The following SKP1 variants were observed in gnomAD, a reference collection of about 807,000 sequenced individuals.
SKP1 encodes the protein S-phase kinase associated protein 1, also known as S-phase kinase-associated protein 1.
A neutral mutation model predicts 21.5 loss-of-function variants in SKP1; 1 was observed. The observed-to-expected ratio is 0.05, with a 90% CI of 0.02 to 0.22. The LOEUF (loss-of-function observed/expected upper bound fraction) is 0.22. Among genes scored for constraint, SKP1 ranks in the 10% least tolerant of loss-of-function variants. The pLI, the probability that SKP1 is intolerant of heterozygous loss-of-function variation, is 1.00. For synonymous variants in SKP1, 59 were observed against 59.3 expected, an observed-to-expected ratio of 0.99 and a Z score of 0.03; for missense variants, 70 against 192.0, an observed-to-expected ratio of 0.36 and a Z score of 3.76.
chr5:134,162,599 C>G (rs931999333), intron 3 of SKP1, among the ~76,000 whole-genome samples: 3 of 151,724 alleles, frequency 2.0e-5, no homozygotes, highest in Non-Finnish European at 4.4e-5. Flanking sequence ...GTTGGCCAGG[C>G]TGGTCTCGAA....
rs1355847332 is a variant in SKP1 at position 134,156,199 on chromosome 5, C to G, written c.*1534G>C. 1 of 151,956 alleles carries G rather than the reference C, an allele frequency of 6.6e-6. No homozygotes were observed. The highest frequency in any genetic ancestry group is 1.9e-4 in the East Asian group (1 of 5,192). 9.4% of individuals were successfully genotyped at this position (151,956 alleles called of 1,614,324 possible). On this transcript the variant is annotated 3_prime_UTR_variant, in exon 6 of 6. Transcript: ENST00000353411. ...AGCTAGGACTATACACCGCTACCTTCCCCACTAAAACCAGGACAAACAGAA... is the reference window on the plus strand; with the variant it reads ...AGCTAGGACTATACACCGCTACCTTGCCCACTAAAACCAGGACAAACAGAA...
At chr5:134,174,070 C>T (rs1308190180) in intron 1 of SKP1, 48 bp from the exon 2 acceptor site, 5 of 1,132,318 alleles carry the variant, frequency 4.4e-6, no homozygotes, top group Non-Finnish European at 6.7e-6. Flanking sequence ...GAGAGTTCTA[C>T]ATGACATTTC....
chr5:134,160,703 C>A (rs73791507), intron 4 of SKP1, among the ~76,000 whole-genome samples: 4,610 of 152,138 alleles, frequency 0.03, 185 homozygotes, highest in African/African-American at 0.096. Flanking sequence ...GTTAGTGTAC[C>A]GTATCTTCTT....
chr5:134,171,072 A>G (rs182896033), intron 2 of SKP1: 33 of 454,930 alleles, frequency 7.3e-5, no homozygotes, highest in African/African-American at 5.4e-4. Flanking sequence ...ACAACTTAAT[A>G]GAAGTTATCT....
chr5:134,164,119 G>A (rs915256337), intron 3 of SKP1, among the ~76,000 whole-genome samples: 3 of 151,830 alleles, frequency 2.0e-5, no homozygotes, highest in South Asian at 2.1e-4. Context: ...TCCGGAGTTC[G>A]AGACCAGCCT....
chr5:134,160,081 C>T (rs147463891), intron 4 of SKP1, among the ~76,000 whole-genome samples: 5,565 of 151,830 alleles, frequency 0.037, 188 homozygotes, highest in Admixed American at 0.1. Context: ...TTAGGCCAGG[C>T]GCGGTGGCTC....
Position 134,161,035 on chromosome 5 carries a change from G to A in SKP1, c.267C>T (p.Asp89=), listed in dbSNP as rs1198526134. 1.2e-6 allele frequency: 2 copies of A among 1,612,926 alleles called. No individual in the cohort carries two copies. Among genetic ancestry groups the A allele is most frequent in the Non-Finnish European group, 1.7e-6 (2 of 1,179,492 alleles). ...CTTGGTCAACTTTCAGGAATTCTTGGTCCCAAACAGGGATATCATCTGTTC... is the reference window on the plus strand; with the variant it reads ...CTTGGTCAACTTTCAGGAATTCTTGATCCCAAACAGGGATATCATCTGTTC... ...EKRTDDIPVW[D]QEFLKVDQGT... Residue 89 remains aspartate (D), a synonymous_variant, in exon 4 of 6, where the codon GAC becomes GAT. Coordinates refer to ENST00000353411, the MANE Select transcript of SKP1 (RefSeq NM_170679.3).
rs116242730 is a variant in SKP1, at chr5:134,162,186, G to A, written c.172-1056C>T. Among the ~76,000 whole-genome samples the A allele has an allele frequency of 5.6e-3, 844 of 151,964 alleles. 5 individuals are homozygous for A. The highest frequency in any genetic ancestry group is 0.019 in the African/African-American group (795 of 41,446). On this transcript the variant is annotated intron_variant, in intron 3 of 5. Transcript: ENST00000353411. ...GCAGTGCCGCGATCATGGCTCACTC[G>A]ACCTCCTGTGCTTAAGCGATCCTCC...
chr5:134,162,942 C>T (rs1761246788), intron 3 of SKP1, among the ~76,000 whole-genome samples: 1 of 151,968 alleles, frequency 6.6e-6, no homozygotes, highest in South Asian at 2.1e-4. Context: ...AGGCTGGGCA[C>T]TGTGGCTCAC....
chr5:134,168,022 GAAC>G (rs1175986941), intron 2 of SKP1, among the ~76,000 whole-genome samples: 1 of 152,214 alleles, frequency 6.6e-6, no homozygotes. Flanking sequence ...ACTTTACTTA[GAAC>G]AGCTCTCTTA....
intron 3 of SKP1, chr5:134,161,902 T>C (rs1480986514): frequency 6.6e-6 from 1 of 152,152 alleles, no homozygotes; most frequent in Non-Finnish European, 1.5e-5. Context: ...ATACTGAAAG[T>C]GTTTTCAGTT....
At chr5:134,167,699 A>AT (rs1395816261) in intron 2 of SKP1, among the ~76,000 whole-genome samples, 2 of 152,004 alleles carry the variant, frequency 1.3e-5, no homozygotes, top group East Asian at 1.9e-4. Flanking sequence ...AATTTTTTGT[A>AT]TTTTTTAGGA....
chr5:134,173,383 C>T (rs749737644), intron 2 of SKP1: 13 of 192,462 alleles, frequency 6.8e-5, no homozygotes, highest in Non-Finnish European at 1.1e-4. Flanking sequence ...CCCAGTTATT[C>T]GGAAGGCTGA....
intron 2 of SKP1, chr5:134,171,034 A>G (rs1176952000): frequency 2.2e-6 from 1 of 456,142 alleles, no homozygotes; most frequent in Non-Finnish European, 4.4e-6. Context: ...CTTGATGAAC[A>G]GTGACTGTGG....
intron 5 of SKP1, 94 bp downstream of exon 5, chr5:134,158,361 C>G: frequency 6.2e-7 from 1 of 1,604,984 alleles, no homozygotes; most frequent in South Asian, 1.1e-5. Context: ...AGTATCAAGA[C>G]TACTTGATAC....
chr5:134,167,545 C>CA (rs1761354462), intron 2 of SKP1, among the ~76,000 whole-genome samples: 1 of 149,520 alleles, frequency 6.7e-6, no homozygotes, highest in South Asian at 2.1e-4. Context: ...TTTTTTGAGA[C>CA]AGATTCTTGC....
chr5:134,167,834 G>A (rs935921306), intron 2 of SKP1, among the ~76,000 whole-genome samples: 5 of 152,112 alleles, frequency 3.3e-5, no homozygotes, highest in African/African-American at 7.2e-5. Flanking sequence ...ATCTAGAGAG[G>A]ATTTTAAGTA....
At position 134,160,973 on chromosome 5, in the gene SKP1, CA is replaced by C. The variant is rs1447718349; in HGVS notation, c.315+13del. 3 of 1,601,084 alleles carry C rather than the reference CA, an allele frequency of 1.9e-6. No individual in the cohort carries two copies. The highest frequency in any genetic ancestry group is 2.6e-6 in the Non-Finnish European group (3 of 1,171,340). Reference sequence around the variant, plus strand: ...GGCTCTAGAGTAGAGCTATCTTACACATTAAAAACTTACCAGAATGAGTTCA... The same window carrying C: ...GGCTCTAGAGTAGAGCTATCTTACACTTAAAAACTTACCAGAATGAGTTCA... On this transcript the variant is annotated intron_variant, in intron 4 of 5. Transcript: ENST00000353411.
chr5:134,160,228 A>C (rs1289325418), intron 4 of SKP1, among the ~76,000 whole-genome samples: 1 of 151,858 alleles, frequency 6.6e-6, no homozygotes, highest in Non-Finnish European at 1.5e-5. Context: ...ATGGTGGCTC[A>C]TGCCTGTAAT....
Sources: allele counts gnomAD v4.1 joint callset (sites outside exome capture counted in the v4.1 genomes callset), GRCh38; gene constraint gnomAD v4.1.1; transcripts MANE v1.5; gene names NCBI Gene and HGNC (gene_info 2026-07-23, HGNC 2026-07-21).